Variants in ACKR5 observed in about 807,000 individuals in gnomAD.
The protein encoded by ACKR5 is G protein-coupled receptor 182.
chr12:56,995,127 C>G, the ACKR5 span: 37 of 1,323,208 alleles, frequency 2.8e-5, no homozygotes, highest in Non-Finnish European at 3.7e-5. The surrounding 1 kb of genome is among the most constrained non-coding windows in gnomAD (Gnocchi z 4.7). Flanking sequence ...TCCCTCTGGC[C>G]TCTACCTTGA....
chr12:56,996,852 T>A, the ACKR5 span: 1 of 163,970 alleles, frequency 6.1e-6, no homozygotes, highest in Non-Finnish European at 1.3e-5. Context: ...GTTTGTGAGC[T>A]TGTTGATCTT....
At chr12:56,998,613 CA>C in the ACKR5 span, among the ~76,000 whole-genome samples, 1 of 152,206 alleles carries the variant, frequency 6.6e-6, no homozygotes, top group African/African-American at 2.4e-5. Flanking sequence ...AGGATCCTCT[CA>C]GGGATACCCC....
At chr12:56,995,459 C>G in the ACKR5 span, 1 of 1,614,182 alleles carries the variant, frequency 6.2e-7, no homozygotes, top group South Asian at 1.1e-5. The surrounding 1 kb of genome is among the most constrained non-coding windows in gnomAD (Gnocchi z 4.7). Context: ...CGGCTCAGGC[C>G]GGGCAGGGCT....
chr12:56,995,763 C>T, the ACKR5 span: 19 of 1,613,926 alleles, frequency 1.2e-5, no homozygotes, highest in South Asian at 3.3e-5. This position sits in a 1 kb window ranked among gnomAD's most constrained non-coding sequence, Gnocchi z 4.7. Context: ...GCCATCATCC[C>T]GCTGCCTGAG....
the ACKR5 span, chr12:56,998,028 G>A: frequency 1.2e-4 from 18 of 152,190 alleles, no homozygotes; most frequent in Admixed American, 9.2e-4. Flanking sequence ...CGCAGTAAGG[G>A]CTTAGCCTAT....
chr12:56,995,602 C>A, the ACKR5 span: 6 of 1,614,074 alleles, frequency 3.7e-6, no homozygotes, highest in Non-Finnish European at 1.7e-6. This position sits in a 1 kb window ranked among gnomAD's most constrained non-coding sequence, Gnocchi z 4.7. Flanking sequence ...TCACTCACTA[C>A]TTCTACTTTG....
the ACKR5 span, chr12:56,996,385 T>C: frequency 6.2e-7 from 1 of 1,600,072 alleles, no homozygotes. Flanking sequence ...TTCCAAATAC[T>C]TCCCCCATCT....
chr12:56,995,670 C>A, the ACKR5 span: 1 of 1,613,978 alleles, frequency 6.2e-7, no homozygotes, highest in Non-Finnish European at 8.5e-7. The surrounding 1 kb of genome is among the most constrained non-coding windows in gnomAD (Gnocchi z 4.7). Flanking sequence ...CGCTATGTCA[C>A]CCTCACCAGC....
chr12:56,996,485 G>A, the ACKR5 span: 2 of 1,456,680 alleles, frequency 1.4e-6, no homozygotes, highest in Admixed American at 4.6e-5. Flanking sequence ...ATAGGTGGGA[G>A]ATTTGGGGGG....
chr12:56,996,256 C>G, the ACKR5 span: 8 of 1,614,156 alleles, frequency 5.0e-6, no homozygotes, highest in Non-Finnish European at 6.8e-6. Context: ...CGGGCACATG[C>G]GCCTCCTCTT....
the ACKR5 span, among the ~76,000 whole-genome samples, chr12:56,994,936 G>A: frequency 2.0e-5 from 3 of 146,362 alleles, no homozygotes; most frequent in East Asian, 5.9e-4. Context: ...CTGGCTGGGG[G>A]TGGGGAGAAA....
the ACKR5 span, chr12:56,995,973 G>A: frequency 5.6e-6 from 9 of 1,610,946 alleles, no homozygotes; most frequent in African/African-American, 5.3e-5. This position sits in a 1 kb window ranked among gnomAD's most constrained non-coding sequence, Gnocchi z 4.7. Flanking sequence ...AAGAGCCGGC[G>A]CCACTGCCTG....
At chr12:56,994,989 C>T in the ACKR5 span, among the ~76,000 whole-genome samples, 1 of 152,086 alleles carries the variant, frequency 6.6e-6, no homozygotes, top group African/African-American at 2.4e-5. Context: ...CAGCTGAAAC[C>T]CCTTAAGAAA....
At chr12:56,996,677 A>T in the ACKR5 span, 1 of 445,090 alleles carries the variant, frequency 2.2e-6, no homozygotes. Context: ...TGGAAGAGAT[A>T]GCCATGGACT....
chr12:56,998,150 T>C, the ACKR5 span: 4 of 152,218 alleles, frequency 2.6e-5, no homozygotes, highest in Non-Finnish European at 5.9e-5. Context: ...TACAGGAGTT[T>C]CCTGAAGGAA....
the ACKR5 span, chr12:56,994,755 T>C: frequency 1.1e-5 from 2 of 177,148 alleles, no homozygotes; most frequent in Non-Finnish European, 2.4e-5. Flanking sequence ...TTGTGTGGTG[T>C]GCGTGTGTGT....
At chr12:56,996,723 T>A in the ACKR5 span, 1 of 325,558 alleles carries the variant, frequency 3.1e-6, no homozygotes, top group East Asian at 5.6e-5. Flanking sequence ...CCAGCTGGGA[T>A]TGGGAAGGGA....
At chr12:56,996,938 A>T in the ACKR5 span, 3 of 155,470 alleles carry the variant, frequency 1.9e-5, no homozygotes, top group South Asian at 2.0e-4. Flanking sequence ...GACGTTCCCT[A>T]GCTGTGCATC....
At chr12:56,996,082 C>A in the ACKR5 span, 1 of 1,613,326 alleles carries the variant, frequency 6.2e-7, no homozygotes, top group South Asian at 1.1e-5. Context: ...TCTCCCTCCA[C>A]TGCCACCTGG....
Sources: gnomAD v4.1 joint callset for allele counts (sites outside exome capture counted in the v4.1 genomes callset) on GRCh38, gnomAD v4.1.1 for gene constraint, Gnocchi (gnomAD v3.1) non-coding constraint, MANE v1.5 for transcripts, NCBI Gene and HGNC (gene_info 2026-07-23, HGNC 2026-07-21) for gene names.